Variants in TENM4 observed in about 807,000 individuals in gnomAD.
TENM4 encodes teneurin transmembrane protein 4.
In TENM4, 82 loss-of-function variants were observed where a neutral mutation model predicts 243.3. The ratio of observed to expected loss-of-function variants is 0.34; its 90% CI spans 0.28 to 0.40. The LOEUF (loss-of-function observed/expected upper bound fraction) is 0.40. Ranked by LOEUF, TENM4 falls within the 10% of genes least tolerant of loss-of-function variation. The pLI, the probability that TENM4 is intolerant of heterozygous loss-of-function variation, is 1.00. For missense variants in TENM4, 3,138 were observed against 3,673.3 expected (o/e 0.85, Z 3.77); for synonymous variants, 1,412 against 1,456.3 (o/e 0.97, Z 0.69).
intron 12 of TENM4, among the ~76,000 whole-genome samples, chr11:78,850,459 A>T (rs903740688): frequency 4.6e-5 from 7 of 152,214 alleles, no homozygotes; most frequent in African/African-American, 1.4e-4. Flanking sequence ...TAATGACTTC[A>T]CTAAAACAAG....
Position 78,805,305 on chromosome 11 carries a change from G to A in TENM4, c.2166C>T (p.His722=), listed in dbSNP as rs752143242. ...CCCTGCATTTACCGATAGAACAGTC[G>A]TGTCCAGTCCAGCTTGGGTCACAGC... ...LCSCDPSWTG[H]DCSIEICAAD... is the part of the protein sequence containing the mutation. Residue 722 remains histidine, a synonymous_variant, in exon 15 of 34, where the codon CAC becomes CAT. Coordinates refer to ENST00000278550, the MANE Select transcript of TENM4 (RefSeq NM_001098816.3). The A allele has an allele frequency of 3.5e-5, 32 of 915,690 alleles. No individual in the cohort carries two copies. The highest frequency in any genetic ancestry group is 4.9e-5 in the African/African-American group (1 of 20,570). 56.7% of individuals were successfully genotyped at this position (915,690 alleles called of 1,614,324 possible).
chr11:79,372,637 T>C (rs1857810111), intron 1 of TENM4, among the ~76,000 whole-genome samples: 1 of 152,220 alleles, frequency 6.6e-6, no homozygotes, highest in African/African-American at 2.4e-5. Context: ...GCTTTGAGAA[T>C]GTGGACAAGT....
chr11:78,903,495 C>T lies in TENM4; in HGVS notation c.522G>A (p.Ala174=), dbSNP rs751811403. 1.9e-6 allele frequency: 3 copies of T among 1,547,688 alleles called. No homozygotes were observed. The South Asian group carries it at 3.6e-5, about 18-fold the overall frequency. The change falls in exon 7 of 34, where the codon GCG becomes GCA. Residue 174 remains alanine, a synonymous_variant. Transcript: ENST00000278550. ...TDHPGGLQNH[A]RLRTPPPPLS... ...GCGGCGGCGGCGGCGTCCGGAGCCGCGCGTGGTTCTGCAGGCCGCCCGGAT... is the reference window on the plus strand; with the variant it reads ...GCGGCGGCGGCGGCGTCCGGAGCCGTGCGTGGTTCTGCAGGCCGCCCGGAT...
At chr11:78,974,010 T>C (rs1487639361) in intron 6 of TENM4, among the ~76,000 whole-genome samples, 1 of 151,958 alleles carries the variant, frequency 6.6e-6, no homozygotes, top group Non-Finnish European at 1.5e-5. Context: ...GCAAGGAAGC[T>C]AACAGGACTA....
chr11:79,226,726 G>A (rs774344163), intron 2 of TENM4, among the ~76,000 whole-genome samples: 1 of 152,172 alleles, frequency 6.6e-6, no homozygotes, highest in African/African-American at 2.4e-5. Flanking sequence ...AGACTTTACC[G>A]CCCCCTCCCC....
chr11:78,963,858 A>G (rs1488652139), intron 6 of TENM4, among the ~76,000 whole-genome samples: 1 of 151,008 alleles, frequency 6.6e-6, no homozygotes, highest in Non-Finnish European at 1.5e-5. Context: ...CAGCCTCACA[A>G]GTAGCTGGGA....
intron 3 of TENM4, among the ~76,000 whole-genome samples, chr11:79,207,865 CAAAAAAA>C (rs569705318): frequency 4.5e-5 from 3 of 66,662 alleles, no homozygotes; most frequent in African/African-American, 1.8e-4. Flanking sequence ...GACTCTGTCT[CAAAAAAA>C]AAAAAAAAAA....
chr11:78,968,589 T>C (rs1177089977), intron 6 of TENM4, among the ~76,000 whole-genome samples: 3 of 152,114 alleles, frequency 2.0e-5, no homozygotes, highest in African/African-American at 7.2e-5. Flanking sequence ...CAGACACCTG[T>C]ATGGTGGAGA....
chr11:78,987,822 T>C (rs1159849340), intron 6 of TENM4, among the ~76,000 whole-genome samples: 1 of 152,236 alleles, frequency 6.6e-6, no homozygotes, highest in African/African-American at 2.4e-5. Flanking sequence ...AAGTAGGTAC[T>C]ACTCTTATTT....
chr11:79,349,337 G>A (rs976830053), intron 1 of TENM4, among the ~76,000 whole-genome samples: 21 of 152,168 alleles, frequency 1.4e-4, no homozygotes, highest in African/African-American at 4.6e-4. Context: ...AGATTTCACC[G>A]ACGTTTCCTT....
intron 6 of TENM4, among the ~76,000 whole-genome samples, chr11:79,040,443 G>A (rs997543672): frequency 6.6e-6 from 1 of 152,182 alleles, no homozygotes; most frequent in African/African-American, 2.4e-5. Flanking sequence ...TTCTGTGCCA[G>A]CCCAGCAACC....
chr11:79,427,478 T>A (rs995689889), intron 1 of TENM4, among the ~76,000 whole-genome samples: 5 of 152,164 alleles, frequency 3.3e-5, no homozygotes, highest in Non-Finnish European at 5.9e-5. Flanking sequence ...TCGTGATAGA[T>A]TAAGGTTGCA....
At chr11:79,309,737 G>A (rs1036258315) in intron 1 of TENM4, among the ~76,000 whole-genome samples, 1 of 152,198 alleles carries the variant, frequency 6.6e-6, no homozygotes, top group Non-Finnish European at 1.5e-5. Context: ...TTGGAGGATA[G>A]AGAAACAGGC....
intron 1 of TENM4, among the ~76,000 whole-genome samples, chr11:79,346,996 G>A (rs1857336523): frequency 6.6e-6 from 1 of 152,070 alleles, no homozygotes; most frequent in Non-Finnish European, 1.5e-5. Context: ...TTACCACACA[G>A]GTCCCCTCCA....
chr11:79,432,860 G>C (rs1174753404), intron 1 of TENM4, among the ~76,000 whole-genome samples: 1 of 152,176 alleles, frequency 6.6e-6, no homozygotes, highest in Non-Finnish European at 1.5e-5. Flanking sequence ...AGCCAGAGAG[G>C]CCTACCATCA....
intron 1 of TENM4, among the ~76,000 whole-genome samples, chr11:79,330,718 A>G (rs977023779): frequency 5.3e-5 from 8 of 152,180 alleles, no homozygotes; most frequent in Non-Finnish European, 7.4e-5. Flanking sequence ...AAATTTTACT[A>G]TCCCTCCTGG....
intron 12 of TENM4, among the ~76,000 whole-genome samples, chr11:78,827,471 CTATTTATT>C (rs55871470): frequency 0.054 from 7,955 of 146,106 alleles, 300 homozygotes; most frequent in African/African-American, 0.11. Flanking sequence ...CCTTCAAAGC[CTATTTATT>C]TATTTATTTA....
At chr11:78,750,826 G>T (rs1380670961) in intron 19 of TENM4, among the ~76,000 whole-genome samples, 1 of 151,556 alleles carries the variant, frequency 6.6e-6, no homozygotes, top group Non-Finnish European at 1.5e-5. Context: ...AGTAGGTGCT[G>T]GTCAATATTT....
At chr11:78,851,297 T>C (rs1362991055) in intron 12 of TENM4, among the ~76,000 whole-genome samples, 1 of 152,102 alleles carries the variant, frequency 6.6e-6, no homozygotes, top group Non-Finnish European at 1.5e-5. Context: ...GGCCCTAAAA[T>C]ACAGGGTTAA....
Sources: allele counts gnomAD v4.1 joint callset (sites outside exome capture counted in the v4.1 genomes callset), GRCh38; gene constraint gnomAD v4.1.1; transcripts MANE v1.5; gene names NCBI Gene and HGNC (gene_info 2026-07-23, HGNC 2026-07-21).